The following CACNA1I variants were observed in gnomAD, a reference collection of about 807,000 sequenced individuals.
CACNA1I encodes the protein calcium voltage-gated channel subunit alpha1 I, also known as voltage-dependent T-type calcium channel subunit alpha-1I.
In CACNA1I, 74 loss-of-function variants were observed where a neutral mutation model predicts 201.6. That is an observed-to-expected ratio of 0.37 (90% CI 0.30 to 0.45). The LOEUF (loss-of-function observed/expected upper bound fraction) is 0.45, where lower values mean the gene tolerates loss of function less well. CACNA1I is among the 20% of genes least tolerant of loss of function. CACNA1I has a pLI of 1.00. For synonymous variants in CACNA1I, 1,431 were observed against 1,345.2 expected (o/e 1.06, Z -1.40); for missense variants, 2,346 against 3,138.1 (o/e 0.75, Z 6.03).
intron 6 of CACNA1I, among the ~76,000 whole-genome samples, chr22:39,641,845 G>A (rs1934359247): frequency 6.6e-6 from 1 of 152,092 alleles, no homozygotes; most frequent in Non-Finnish European, 1.5e-5. Context: ...GTATTGCTTG[G>A]CCTCTCTGTG....
chr22:39,599,405 G>A (rs1329674926), intron 2 of CACNA1I, among the ~76,000 whole-genome samples: 3 of 142,008 alleles, frequency 2.1e-5, no homozygotes, highest in South Asian at 4.5e-4. Context: ...GGATCACGAG[G>A]TCAGGAGATC....
chr22:39,679,509 A>G, intron 32 of CACNA1I, 64 bp downstream of exon 32: 1 of 1,233,352 alleles, frequency 8.1e-7, no homozygotes, highest in Non-Finnish European at 1.1e-6. Flanking sequence ...CCAGATGGGC[A>G]GCAGGGCCAG....
At chr22:39,579,648 C>T (rs2039140731) in intron 1 of CACNA1I, among the ~76,000 whole-genome samples, 1 of 142,036 alleles carries the variant, frequency 7.0e-6, no homozygotes, top group Non-Finnish European at 1.5e-5. Context: ...CTTTCAAGCT[C>T]TTTTTTTTTT....
At position 39,600,625 on chromosome 22, in the gene CACNA1I, C is replaced by T. The variant is rs756481754; in HGVS notation, c.454C>T (p.Arg152Cys). The change falls in exon 3 of 37, where the codon CGC becomes TGC. Residue 152 changes from arginine (R) to cysteine (C), a missense_variant. Coordinates refer to ENST00000402142, the MANE Select transcript of CACNA1I (RefSeq NM_021096.4). ...GTGCTACCTCGGGGACACATGGAAC[C>T]GCCTGGATTTCTTCATCGTCATGGC... ...KKCYLGDTWNRLDFFIVMAGM... is the reference protein window; with the variant it reads ...KKCYLGDTWNCLDFFIVMAGM... 1.9e-5 allele frequency: 31 copies of T among 1,605,696 alleles called. No homozygotes were observed. The highest frequency in any genetic ancestry group is 6.8e-5 in the Admixed American group (4 of 58,638).
rs748559343 is a variant in CACNA1I, at chr22:39,598,178, G to T, written c.264G>T (p.Val88=). 27 of 1,605,190 alleles carry T rather than the reference G, an allele frequency of 1.7e-5. No individual in the cohort carries two copies. Among genetic ancestry groups the T allele is most frequent in the Non-Finnish European group, 1.9e-5 (22 of 1,175,694 alleles). The change falls in exon 2 of 37, where the codon GTG becomes GTT. Residue 88 remains valine (V), a synonymous_variant. Transcript: ENST00000402142. The part of the protein sequence containing the change: ...NPWFECVSML[V]ILLNCVTLGM... ...GGTTTGAATGTGTCAGCATGCTGGT[G>T]ATCCTGCTGAACTGCGTGACACTTG...
rs1280877974 is a variant in CACNA1I, at chr22:39,662,649, G to C, written c.3373-127G>C. Reference sequence around the variant, plus strand: ...GGCTCCTGGGAGAGAAGCCCTCCCTGGCTGCCCCCGGGGGGCAGAGAGTTC... The same window carrying C: ...GGCTCCTGGGAGAGAAGCCCTCCCTCGCTGCCCCCGGGGGGCAGAGAGTTC... On this transcript the variant is annotated intron_variant, in intron 17 of 36. Transcript: ENST00000402142. The C allele has an allele frequency of 4.0e-6, 3 of 742,938 alleles. No individual in the cohort carries two copies. The East Asian group carries it at 8.1e-5, about 20-fold the overall frequency. 46.0% of individuals were successfully genotyped at this position (742,938 alleles called of 1,614,324 possible).
In CACNA1I at chr22:39,670,112, C is replaced by T. The variant is rs55968092; in HGVS notation, c.4269C>T (p.Leu1423=). The change falls in exon 25 of 37, where the codon CTC becomes CTT. Residue 1423 remains leucine, a synonymous_variant. Transcript: ENST00000402142. ...TGCTCATCGTCAGCTTCTTTGTGCT[C>T]AACATGTTTGTGGGTGTCGTGGTGG... ...SFLLIVSFFV[L]NMFVGVVVEN... 8,778 of 1,613,882 alleles carry T rather than the reference C, an allele frequency of 5.4e-3. 32 individuals carry two copies. Among genetic ancestry groups the T allele is most frequent in the Non-Finnish European group, 6.6e-3 (7,836 of 1,179,890 alleles).
Position 39,598,279 on chromosome 22 carries a change from G to A in CACNA1I, c.348+17G>A. The stretch of plus-strand genomic sequence containing the variant: ...ATCCTGCAGGTGAGCCGGCCGCCCC[G>A]CCCCGCCCCGCCCTGCCCTCATCCT... On this transcript the variant is annotated intron_variant, in intron 2 of 36. Transcript: ENST00000402142. The A allele has an allele frequency of 2.1e-6, 2 of 936,132 alleles. No individual in the cohort carries two copies. Among genetic ancestry groups the A allele is most frequent in the Non-Finnish European group, 2.8e-6 (2 of 711,460 alleles). The allele number at this position is 936,132 out of a possible 1,614,324, so 58.0% of individuals were successfully genotyped here. A position where few individuals can be genotyped will look rare whatever the true frequency, so the allele number is the denominator to read the frequency against.
chr22:39,685,808 G>A lies in CACNA1I; in HGVS notation c.6075G>A (p.Ala2025=), dbSNP rs545074245. The A allele has an allele frequency of 1.2e-5, 18 of 1,496,686 alleles. No individual in the cohort carries two copies. The South Asian group carries it at 1.6e-4, about 13-fold the overall frequency. The allele number at this position is 1,496,686 out of a possible 1,614,324, so 92.7% of individuals were successfully genotyped here. The change falls in exon 37 of 37, where the codon GCG becomes GCA. Residue 2025 remains alanine (A), a synonymous_variant. Coordinates refer to ENST00000402142, the MANE Select transcript of CACNA1I (RefSeq NM_021096.4). This position sits in a 1 kb window ranked among gnomAD's most constrained non-coding sequence, Gnocchi z 5.0. ...TSLDASPSSS[A]GSLQTTLEDS... is the part of the protein sequence containing the mutation. ...TGGACGCCAGCCCCAGCAGCTCCGC[G>A]GGCAGCCTGCAGACCACGCTCGAGG...
chr22:39,600,579 C>G lies in CACNA1I; in HGVS notation c.408C>G (p.Ala136=), dbSNP rs759739015. The change falls in exon 3 of 37, where the codon GCC becomes GCG. Residue 136 remains alanine (A), a synonymous_variant. Coordinates refer to ENST00000402142, the MANE Select transcript of CACNA1I (RefSeq NM_021096.4). ...FAMEMVLKMV[A]LGIFGKKCYL... is the part of the protein sequence containing the mutation. Reference sequence around the variant, plus strand: ...TGGAGATGGTGCTCAAGATGGTGGCCCTGGGGATTTTTGGCAAGAAGTGCT... The same window carrying G: ...TGGAGATGGTGCTCAAGATGGTGGCGCTGGGGATTTTTGGCAAGAAGTGCT... 1 of 1,611,586 alleles carries G rather than the reference C, an allele frequency of 6.2e-7. No homozygotes were observed. Among genetic ancestry groups the G allele is most frequent in the Admixed American group, 1.7e-5 (1 of 59,662 alleles).
chr22:39,662,938 C>G lies in CACNA1I; in HGVS notation c.3473+62C>G, dbSNP rs936766417. The G allele has an allele frequency of 2.6e-6, 3 of 1,153,842 alleles. No homozygotes were observed. The African/African-American group carries it at 4.6e-5, about 18-fold the overall frequency. The allele number at this position is 1,153,842 out of a possible 1,614,324, so 71.5% of individuals were successfully genotyped here. ...GGGGTAACGTGGGAGGGACGGATCT[C>G]TGCCAAGCCAGGCAAGGCCATTGGT... On this transcript the variant is annotated intron_variant, in intron 18 of 36. Transcript: ENST00000402142.
In CACNA1I at chr22:39,677,019, C is replaced by G. The variant is rs1935530707; in HGVS notation, c.4855-322C>G. Among the ~76,000 whole-genome samples the G allele has an allele frequency of 6.6e-6, 1 of 152,208 alleles. No homozygotes were observed. Among genetic ancestry groups the G allele is most frequent in the East Asian group, 1.9e-4 (1 of 5,198 alleles). ...TCACCTCTCAGTCTGTCTCCTTCTT[C>G]TTCTGAAGAATGGGGATAAAAGATA... On this transcript the variant is annotated intron_variant, in intron 29 of 36. Coordinates refer to ENST00000402142, the MANE Select transcript of CACNA1I (RefSeq NM_021096.4). This position sits in a 1 kb window ranked among gnomAD's most constrained non-coding sequence, Gnocchi z 4.8.
intron 1 of CACNA1I, among the ~76,000 whole-genome samples, chr22:39,585,664 T>C (rs1371612509): frequency 1.4e-5 from 2 of 145,202 alleles, no homozygotes; most frequent in Non-Finnish European, 3.0e-5. Flanking sequence ...CTGGGTGAGA[T>C]TATAGGCGTG....
At chr22:39,621,467 G>A (rs546678155) in intron 4 of CACNA1I, among the ~76,000 whole-genome samples, 78 of 152,356 alleles carry the variant, frequency 5.1e-4, no homozygotes, top group African/African-American at 1.8e-3. Context: ...CGGGCTTGCA[G>A]AATGCATCAG....
chr22:39,583,089 C>T (rs944466011), intron 1 of CACNA1I, among the ~76,000 whole-genome samples: 2 of 144,256 alleles, frequency 1.4e-5, no homozygotes, highest in Non-Finnish European at 3.1e-5. Context: ...TCCAACAATC[C>T]GTCCATTCAT....
chr22:39,636,548 G>C (rs926051854), intron 5 of CACNA1I, among the ~76,000 whole-genome samples: 1 of 152,224 alleles, frequency 6.6e-6, no homozygotes, highest in Non-Finnish European at 1.5e-5. Context: ...GTTCACGCAC[G>C]TCTGGTGGAG....
At position 39,662,180 on chromosome 22, in the gene CACNA1I, C is replaced by G; in HGVS notation, c.3117C>G (p.His1039Gln). 6.5e-7 allele frequency: 1 copy of G among 1,531,966 alleles called. No homozygotes were observed. Among genetic ancestry groups the G allele is most frequent in the Non-Finnish European group, 8.8e-7 (1 of 1,142,262 alleles). 94.9% of individuals were successfully genotyped at this position (1,531,966 alleles called of 1,614,324 possible). A position where few individuals can be genotyped will look rare whatever the true frequency, so the allele number is the denominator to read the frequency against. ...CCCTGCACACCCCACACGCCCACCA[C>G]ATTCATCACGGGCCCCATCTGGCGC... ...AAPLHTPHAHHIHHGPHLAHR... is the reference protein window; with the variant it reads ...AAPLHTPHAHQIHHGPHLAHR... Residue 1039 changes from histidine (H) to glutamine (Q), a missense_variant, in exon 17 of 37, where the codon CAC becomes CAG. His to Gln is a conservative substitution (Grantham distance 24). This residue lies in a region of CACNA1I where 288 missense variants were observed against 255.2 expected (regional missense o/e 1.13). Transcript: ENST00000402142.
chr22:39,608,185 G>A (rs1028887959), intron 3 of CACNA1I, among the ~76,000 whole-genome samples: 5 of 151,886 alleles, frequency 3.3e-5, no homozygotes, highest in African/African-American at 1.2e-4. Flanking sequence ...GCGCACACCT[G>A]TAGTCCCAGC....
chr22:39,598,103 C>A, intron 1 of CACNA1I, 48 bp from the exon 2 acceptor site: 1 of 1,189,240 alleles, frequency 8.4e-7, no homozygotes. Context: ...GCACCCCAGC[C>A]CCCACGGGCG....
Sources: allele counts gnomAD v4.1 joint callset (sites outside exome capture counted in the v4.1 genomes callset), GRCh38; gene constraint gnomAD v4.1.1; regional missense constraint gnomAD v4.1.1; non-coding constraint Gnocchi (gnomAD v3.1); transcripts MANE v1.5; gene names NCBI Gene and HGNC (gene_info 2026-07-23, HGNC 2026-07-21).